AWAT1: variants seen among roughly 807,000 people sequenced by gnomAD.
The protein encoded by AWAT1 is acyl-CoA wax alcohol acyltransferase 1.
AWAT1 carries 26 observed loss-of-function variants against 21.6 expected under a neutral mutation model. The observed-to-expected ratio is 1.20, with a 90% CI of 0.88 to 1.67. The LOEUF is 1.67. Among genes scored for constraint, AWAT1 ranks in the 40% most tolerant of loss-of-function variants. AWAT1 has a pLI of 0.00. For synonymous variants in AWAT1, 102 were observed against 99.3 expected, an observed-to-expected ratio of 1.03 and a Z score of -0.16; for missense variants, 264 against 249.4, an observed-to-expected ratio of 1.06 and a Z score of -0.39.
chrX:70,240,132 G>A lies in AWAT1; in HGVS notation c.833-4G>A. Reference sequence around the variant, plus strand: ...CTCTTCTCTTTTCCGATCTCTCTTGGCAGTTGGGGAGCCTCTGCCACTGCC... The same window carrying A: ...CTCTTCTCTTTTCCGATCTCTCTTGACAGTTGGGGAGCCTCTGCCACTGCC... On this transcript the variant is annotated splice_region_variant and splice_polypyrimidine_tract_variant and intron_variant, in intron 6 of 6. Transcript: ENST00000374521. The A allele has an allele frequency of 8.3e-7, 1 of 1,210,561 alleles. No individual in the cohort carries two copies. Among genetic ancestry groups the A allele is most frequent in the East Asian group, 3.0e-5 (1 of 33,828 alleles).
rs963144948 is a variant in AWAT1, at chrX:70,238,332, C to T, written c.581C>T (p.Thr194Ile). 1.7e-6 allele frequency: 2 copies of T among 1,208,886 alleles called. No homozygotes were observed. Among genetic ancestry groups the T allele is most frequent in the East Asian group, 3.0e-5 (1 of 33,732 alleles). ...EALQSVPNTT[T>I]LILQKRKGFV... ...CTGCAAAGTGTGCCCAACACCACCA[C>T]CCTCATCCTCCAGAAGCGCAAGGGG... is the stretch of plus-strand genomic sequence containing the variant. The change falls in exon 5 of 7, where the codon ACC (threonine) becomes ATC (isoleucine). Residue 194 changes from threonine to isoleucine, a missense_variant. Coordinates refer to ENST00000374521, the MANE Select transcript of AWAT1 (RefSeq NM_001013579.3).
At chrX:70,236,348 A>G (rs1327812858) in intron 3 of AWAT1, among the ~76,000 whole-genome samples, 8 of 112,207 alleles carry the variant, frequency 7.1e-5, no homozygotes, top group Non-Finnish European at 1.5e-4. Flanking sequence ...GCCAGCTGAC[A>G]CAGTCAGAAG....
At position 70,240,253 on chromosome X, in the gene AWAT1, A is replaced by G; in HGVS notation, c.950A>G (p.Tyr317Cys). The G allele has an allele frequency of 8.3e-7, 1 of 1,211,281 alleles. No homozygotes were observed. Among genetic ancestry groups the G allele is most frequent in the Non-Finnish European group, 1.1e-6 (1 of 895,200 alleles). ...HKLFDQHKTH[Y>C]GCSETQKLFF... ...CTGTTCGACCAGCATAAGACCCACT[A>G]TGGCTGCTCAGAGACCCAAAAGCTG... The change falls in exon 7 of 7, where the codon TAT becomes TGT. Residue 317 changes from tyrosine (Y) to cysteine (C), a missense_variant. Tyr to Cys is a radical substitution (Grantham distance 194, BLOSUM62 -2). Coordinates refer to ENST00000374521, the MANE Select transcript of AWAT1 (RefSeq NM_001013579.3).
intron 1 of AWAT1, 45 bp downstream of exon 1, chrX:70,234,816 A>T: frequency 9.1e-7 from 1 of 1,097,673 alleles, no homozygotes. Flanking sequence ...CAGAGTCAGA[A>T]GCCAGGGCCA....
chrX:70,236,871 C>G (rs1184291648), intron 3 of AWAT1, among the ~76,000 whole-genome samples, 173 bp from the exon 4 acceptor site: 2 of 111,940 alleles, frequency 1.8e-5, no homozygotes, highest in African/African-American at 6.5e-5. Context: ...CAGATCCTAC[C>G]TTGTTGTCCA....
Position 70,239,851 on chromosome X carries a change from T to C in AWAT1, c.749T>C (p.Phe250Ser). 8.3e-7 allele frequency: 1 copy of C among 1,210,454 alleles called. No individual in the cohort carries two copies. Among genetic ancestry groups the C allele is most frequent in the Non-Finnish European group, 1.1e-6 (1 of 894,478 alleles). The change falls in exon 6 of 7, where the codon TTC becomes TCC. Residue 250 changes from phenylalanine (F) to serine (S), a missense_variant. Transcript: ENST00000374521. ...AGCTGCTTCCGCCGTATCTTTGGTTTCTACTGTTGTGTCTTCTATGGACAA... is the reference window on the plus strand; with the variant it reads ...AGCTGCTTCCGCCGTATCTTTGGTTCCTACTGTTGTGTCTTCTATGGACAA... Reference protein sequence around the residue: ...FQSCFRRIFGFYCCVFYGQSF... With the variant: ...FQSCFRRIFGSYCCVFYGQSF...
chrX:70,239,663 C>A lies in AWAT1; in HGVS notation c.633-72C>A, dbSNP rs369207200. Reference sequence around the variant, plus strand: ...TCAAAATAGATGAGGGCCTGGCAAGCAAACAAATGTTCTTCCAGGGTGGGT... The same window carrying A: ...TCAAAATAGATGAGGGCCTGGCAAGAAAACAAATGTTCTTCCAGGGTGGGT... On this transcript the variant is annotated intron_variant, in intron 5 of 6. Transcript: ENST00000374521. 5.1e-6 allele frequency: 5 copies of A among 975,009 alleles called. No homozygotes were observed. In the African/African-American group the frequency reaches 5.7e-5, roughly 11 times the overall value. 80.4% of individuals were successfully genotyped at this position (975,009 alleles called of 1,213,427 possible).
Position 70,238,196 on chromosome X carries a change from C to A in AWAT1, c.461-16C>A, listed in dbSNP as rs1203634210. 8.4e-7 allele frequency: 1 copy of A among 1,190,297 alleles called. No homozygotes were observed. The highest frequency in any genetic ancestry group is 2.2e-5 in the Admixed American group (1 of 45,141). ...TTTCTCCTCTCCTGATCATTTTGCT[C>A]CTTGATTCTCTTTAGGTGTGTGCTC... On this transcript the variant is annotated splice_polypyrimidine_tract_variant and intron_variant, in intron 4 of 6. Coordinates refer to ENST00000374521, the MANE Select transcript of AWAT1 (RefSeq NM_001013579.3).
At position 70,239,354 on chromosome X, in the gene AWAT1, G is replaced by T. The variant is rs139143085; in HGVS notation, c.633-381G>T. ...ATTTGAGCCTGACTGTCTACCCAGG[G>T]CACTGTTCAGGGTGGAATCTCATGG... On this transcript the variant is annotated intron_variant, in intron 5 of 6. Coordinates refer to ENST00000374521, the MANE Select transcript of AWAT1 (RefSeq NM_001013579.3). Among the ~76,000 whole-genome samples, 26 of 112,710 alleles carry T rather than the reference G, an allele frequency of 2.3e-4. No individual in the cohort carries two copies. In the East Asian group the frequency reaches 7.0e-3, roughly 30 times the overall value.
At chrX:70,239,216 G>A (rs758308554) in intron 5 of AWAT1, among the ~76,000 whole-genome samples, 1 of 112,312 alleles carries the variant, frequency 8.9e-6, no homozygotes. Flanking sequence ...TGCCCTCCAC[G>A]GCCTTTGCTG....
intron 1 of AWAT1, among the ~76,000 whole-genome samples, 160 bp from the exon 2 acceptor site, chrX:70,235,556 A>G (rs774036109): frequency 1.8e-5 from 2 of 110,674 alleles, no homozygotes; most frequent in African/African-American, 3.3e-5. Flanking sequence ...ATGATAGAGG[A>G]AAAGTTTGAA....
chrX:70,235,991 G>A, intron 2 of AWAT1, 78 bp from the exon 3 acceptor site: 1 of 983,121 alleles, frequency 1.0e-6, no homozygotes. Context: ...GCAGAGCCAT[G>A]CTAGGGAATC....
intron 5 of AWAT1, among the ~76,000 whole-genome samples, chrX:70,238,871 C>T (rs949229871): frequency 1.8e-5 from 2 of 112,301 alleles, no homozygotes; most frequent in Non-Finnish European, 3.8e-5. Flanking sequence ...GAATTTATCC[C>T]CACAAAACAC....
Position 70,240,137 on chromosome X carries a change from TG to T in AWAT1, c.838del (p.Glu280SerfsTer51), listed in dbSNP as rs778111564. The T allele has an allele frequency of 7.4e-6, 9 of 1,208,765 alleles. No individual in the cohort carries two copies. The African/African-American group carries it at 8.8e-5, about 12-fold the overall frequency. On this transcript the variant is annotated frameshift_variant and splice_region_variant, in exon 7 of 7. Transcript: ENST00000374521. LOFTEE classifies it high-confidence loss of function. ...PYSRPIVTVV[G>X]EPLPLPQIEK... ...CTCTTTTCCGATCTCTCTTGGCAGT[TG>T]GGGAGCCTCTGCCACTGCCCCAAAT...
intron 1 of AWAT1, among the ~76,000 whole-genome samples, 179 bp downstream of exon 1, chrX:70,234,950 T>C (rs1418049288): frequency 9.4e-6 from 1 of 106,183 alleles, no homozygotes; most frequent in Non-Finnish European, 1.9e-5. Flanking sequence ...AAGAATGAGA[T>C]AGAGCCCCAG....
At chrX:70,239,590 A>T in intron 5 of AWAT1, 145 bp from the exon 6 acceptor site, 2 of 512,926 alleles carry the variant, frequency 3.9e-6, no homozygotes, top group South Asian at 6.3e-5. Flanking sequence ...TTAAATAGGG[A>T]AACCCTGTTT....
chrX:70,236,206 C>A lies in AWAT1; in HGVS notation c.255+67C>A, dbSNP rs934977511. ...CTGGGTAGGCATTTATACCACATGA[C>A]TAGAGTTGTCCATAAGGAAGATAAG... On this transcript the variant is annotated intron_variant, in intron 3 of 6. Coordinates refer to ENST00000374521, the MANE Select transcript of AWAT1 (RefSeq NM_001013579.3). The A allele has an allele frequency of 5.5e-5, 48 of 878,379 alleles. No homozygotes were observed. The African/African-American group carries it at 9.3e-4, about 17-fold the overall frequency. The allele number at this position is 878,379 out of a possible 1,213,427, so 72.4% of individuals were successfully genotyped here.
Position 70,240,571 on chromosome X carries a change from C to A in AWAT1, c.*281C>A, listed in dbSNP as rs1478792215. The A allele has an allele frequency of 9.5e-5, 27 of 284,119 alleles. No individual in the cohort carries two copies. The Admixed American group carries it at 1.3e-3, about 14-fold the overall frequency. The allele number at this position is 284,119 out of a possible 1,213,427, so 23.4% of individuals were successfully genotyped here. On this transcript the variant is annotated 3_prime_UTR_variant, in exon 7 of 7. Transcript: ENST00000374521. ...CTCTGGGACACATTAGCAGTCACTG[C>A]ATATTCCCCCAGCCCCTGGGCAACT...
chrX:70,235,464 G>A (rs1428790556), intron 1 of AWAT1, among the ~76,000 whole-genome samples: 1 of 111,009 alleles, frequency 9.0e-6, no homozygotes, highest in Non-Finnish European at 1.9e-5. Context: ...TAGAGAGCAG[G>A]AGTACAGAGG....
Sources: allele counts gnomAD v4.1 joint callset (sites outside exome capture counted in the v4.1 genomes callset), GRCh38; gene constraint gnomAD v4.1.1; transcripts MANE v1.5; gene names NCBI Gene and HGNC (gene_info 2026-07-23, HGNC 2026-07-21).